Variants in CDH4 observed in about 807,000 individuals in gnomAD.
CDH4 encodes the protein cadherin-4.
In CDH4, 33 loss-of-function variants were observed where a neutral mutation model predicts 86.0. The observed-to-expected ratio is 0.38, with a 90% CI of 0.29 to 0.51. CDH4 has a LOEUF of 0.51. Ranked by LOEUF, CDH4 falls within the 20% of genes least tolerant of loss-of-function variation. The pLI, the probability that CDH4 is intolerant of heterozygous loss-of-function variation, is 0.86. For missense variants in CDH4, 1,114 were observed against 1,307.4 expected, an observed-to-expected ratio of 0.85 and a Z score of 2.28; for synonymous variants, 555 against 549.4, an observed-to-expected ratio of 1.01 and a Z score of -0.14.
intron 2 of CDH4, among the ~76,000 whole-genome samples, chr20:61,524,910 C>T (rs192345990): frequency 2.0e-5 from 3 of 152,304 alleles, no homozygotes; most frequent in African/African-American, 4.8e-5. Context: ...GAATCTCATA[C>T]ACAGAAGTGA....
chr20:61,656,131 A>G (rs1600845617), intron 2 of CDH4, among the ~76,000 whole-genome samples: 1 of 152,292 alleles, frequency 6.6e-6, no homozygotes, highest in East Asian at 1.9e-4. Context: ...CGAACCACCC[A>G]CCGTGCTCTC....
chr20:61,350,413 A>G (rs1265083413), intron 2 of CDH4, among the ~76,000 whole-genome samples: 7 of 642 alleles, frequency 0.011, 2 homozygotes, highest in African/African-American at 0.045. Flanking sequence ...CGTCAGGCAG[A>G]CACCTCCCCC....
intron 13 of CDH4, among the ~76,000 whole-genome samples, chr20:61,930,453 T>C (rs1453790002): frequency 6.6e-6 from 1 of 151,990 alleles, no homozygotes; most frequent in Non-Finnish European, 1.5e-5. Flanking sequence ...CTTCCCATCA[T>C]CCCTCATGGA....
At chr20:61,698,066 A>G (rs1253870392) in intron 2 of CDH4, among the ~76,000 whole-genome samples, 1 of 152,176 alleles carries the variant, frequency 6.6e-6, no homozygotes, top group Non-Finnish European at 1.5e-5. Context: ...CCTGTCTCAC[A>G]CTGCCACACT....
chr20:61,268,703 C>A (rs527565877), intron 2 of CDH4, among the ~76,000 whole-genome samples: 1 of 152,200 alleles, frequency 6.6e-6, no homozygotes, highest in Admixed American at 6.5e-5. Context: ...CCTCTCATTG[C>A]TCTTGCTTCC....
chr20:61,550,799 T>C (rs2086123884), intron 2 of CDH4, among the ~76,000 whole-genome samples: 1 of 152,192 alleles, frequency 6.6e-6, no homozygotes, highest in Non-Finnish European at 1.5e-5. Flanking sequence ...TGGTGGAAGA[T>C]GGAACAGCAA....
Position 61,254,857 on chromosome 20 carries a change from C to A in CDH4, c.89C>A (p.Thr30Asn), listed in dbSNP as rs267606034. The stretch of plus-strand genomic sequence containing the variant: ...AATGAGGATCTTACAACTAGAGAGA[C>A]CTGCAAGGCTGGGTTCTCTGAAGAT... ...AHNEDLTTRE[T>N]CKAGFSEDDY... Residue 30 changes from threonine to asparagine, a missense_variant, in exon 2 of 16, where the codon ACC (threonine) becomes AAC (asparagine). This residue lies in a region of CDH4 where 221 missense variants were observed against 209.5 expected (regional missense o/e 1.05). Coordinates refer to ENST00000614565, the MANE Select transcript of CDH4 (RefSeq NM_001794.5). The A allele has an allele frequency of 3.7e-6, 6 of 1,611,764 alleles. No individual in the cohort carries two copies. In the Admixed American group the frequency reaches 6.7e-5, roughly 18 times the overall value.
At chr20:61,363,412 C>A (rs370260845) in intron 2 of CDH4, among the ~76,000 whole-genome samples, 19 of 149,432 alleles carry the variant, frequency 1.3e-4, no homozygotes, top group Non-Finnish European at 1.8e-4. Context: ...ATCTAAATAT[C>A]TCTCTCTCTC....
At chr20:61,354,757 G>C (rs771536544) in intron 2 of CDH4, among the ~76,000 whole-genome samples, 2 of 152,186 alleles carry the variant, frequency 1.3e-5, no homozygotes, top group Non-Finnish European at 2.9e-5. Flanking sequence ...TTGGCTTATC[G>C]TCCCGGGGAT....
At chr20:61,288,624 G>A (rs1028174778) in intron 2 of CDH4, among the ~76,000 whole-genome samples, 10 of 152,202 alleles carry the variant, frequency 6.6e-5, no homozygotes, top group Non-Finnish European at 8.8e-5. Flanking sequence ...CGGTTACCAC[G>A]GGGCCAGGCA....
At chr20:61,781,642 C>T (rs6121469) in intron 4 of CDH4, among the ~76,000 whole-genome samples, 1 of 152,026 alleles carries the variant, frequency 6.6e-6, no homozygotes, top group Non-Finnish European at 1.5e-5. Context: ...GGCCAGTGGC[C>T]TAACATCTGT....
At chr20:61,578,279 G>T (rs565270798) in intron 2 of CDH4, among the ~76,000 whole-genome samples, 2 of 152,152 alleles carry the variant, frequency 1.3e-5, no homozygotes, top group African/African-American at 4.8e-5. Flanking sequence ...CAGGGCACTG[G>T]GGGGGAATGA....
At chr20:61,543,384 T>C (rs2086054619) in intron 2 of CDH4, among the ~76,000 whole-genome samples, 1 of 152,200 alleles carries the variant, frequency 6.6e-6, no homozygotes, top group Non-Finnish European at 1.5e-5. Context: ...TAAACTATGG[T>C]TGAAGTTCCC....
At chr20:61,331,600 C>A (rs2084574590) in intron 2 of CDH4, among the ~76,000 whole-genome samples, 1 of 151,632 alleles carries the variant, frequency 6.6e-6, no homozygotes, top group East Asian at 1.9e-4. Context: ...CCACCTCCTG[C>A]CCCGGCCACC....
At chr20:61,874,038 G>T in intron 7 of CDH4, 138 bp downstream of exon 7, 1 of 883,474 alleles carries the variant, frequency 1.1e-6, no homozygotes, top group Non-Finnish European at 1.7e-6. Flanking sequence ...CTCTTGCCAT[G>T]GGAGAGACTC....
At chr20:61,813,137 A>C (rs1980524910) in intron 4 of CDH4, among the ~76,000 whole-genome samples, 1 of 152,232 alleles carries the variant, frequency 6.6e-6, no homozygotes, top group Non-Finnish European at 1.5e-5. Context: ...AGAATTTCTA[A>C]CGTCCTTGGC....
At chr20:61,615,130 GTT>G (rs11477544) in intron 2 of CDH4, among the ~76,000 whole-genome samples, 2 of 150,154 alleles carry the variant, frequency 1.3e-5, no homozygotes, top group Middle Eastern at 3.5e-3. Context: ...TGTTTTTTTG[GTT>G]TTTTTTTTGA....
chr20:61,672,181 G>A (rs2087397805), intron 2 of CDH4, among the ~76,000 whole-genome samples: 1 of 151,338 alleles, frequency 6.6e-6, no homozygotes, highest in Admixed American at 6.6e-5. Flanking sequence ...GAATGGGTGG[G>A]TATATGGATA....
At chr20:61,319,688 G>A (rs528542801) in intron 2 of CDH4, among the ~76,000 whole-genome samples, 35 of 152,130 alleles carry the variant, frequency 2.3e-4, no homozygotes, top group Non-Finnish European at 4.3e-4. Flanking sequence ...GCGCATGCCT[G>A]TAATCCCAGC....
Sources: allele counts gnomAD v4.1 joint callset (sites outside exome capture counted in the v4.1 genomes callset), GRCh38; gene constraint gnomAD v4.1.1; regional missense constraint gnomAD v4.1.1; transcripts MANE v1.5; gene names NCBI Gene and HGNC (gene_info 2026-07-23, HGNC 2026-07-21).